Variants in MECOM observed in about 807,000 individuals in gnomAD.
MECOM encodes the protein histone-lysine N-methyltransferase MECOM.
A neutral mutation model predicts 116.3 loss-of-function variants in MECOM; 13 were observed. The observed-to-expected ratio is 0.11, with a 90% CI of 0.07 to 0.18. MECOM has a LOEUF of 0.18. Ranked by LOEUF, MECOM falls within the 10% of genes least tolerant of loss-of-function variation. The pLI, the probability that MECOM is intolerant of heterozygous loss-of-function variation, is 1.00. For synonymous variants in MECOM, 528 were observed against 535.2 expected (o/e 0.99, Z 0.19); for missense variants, 1,299 against 1,509.0 (o/e 0.86, Z 2.31).
At chr3:169,294,206 C>T (rs934558857) in intron 2 of MECOM, among the ~76,000 whole-genome samples, 1 of 151,762 alleles carries the variant, frequency 6.6e-6, no homozygotes, top group African/African-American at 2.4e-5. Context: ...TCTTGGTTTT[C>T]TGTAATGTAG....
intron 1 of MECOM, among the ~76,000 whole-genome samples, chr3:169,467,477 T>C (rs1007745297): frequency 6.6e-6 from 1 of 152,170 alleles, no homozygotes; most frequent in Non-Finnish European, 1.5e-5. Context: ...AAATCCAGTA[T>C]TAATAATATC....
At chr3:169,335,068 T>C (rs1056849666) in intron 2 of MECOM, among the ~76,000 whole-genome samples, 1 of 152,140 alleles carries the variant, frequency 6.6e-6, no homozygotes, top group Admixed American at 6.6e-5. Context: ...AAAACGCAGT[T>C]CATTTTTTTC....
At chr3:169,302,093 T>C (rs542998384) in intron 2 of MECOM, among the ~76,000 whole-genome samples, 2 of 152,346 alleles carry the variant, frequency 1.3e-5, no homozygotes, top group East Asian at 3.9e-4. Context: ...TCCACTACCT[T>C]GCCTTTTTAA....
intron 1 of MECOM, among the ~76,000 whole-genome samples, chr3:169,522,374 G>T (rs376589529): frequency 1.3e-5 from 2 of 152,250 alleles, no homozygotes; most frequent in East Asian, 3.9e-4. Flanking sequence ...ATGACTCTAG[G>T]TTGCCTTTTT....
chr3:169,100,340 C>A (rs908256874), intron 12 of MECOM, among the ~76,000 whole-genome samples: 7 of 152,024 alleles, frequency 4.6e-5, no homozygotes, highest in Non-Finnish European at 8.8e-5. Context: ...CTCAAGGGAT[C>A]CACCTGCCTC....
intron 2 of MECOM, among the ~76,000 whole-genome samples, chr3:169,258,238 A>AAAAAGG (rs1188822589): frequency 6.6e-6 from 1 of 152,106 alleles, no homozygotes. Flanking sequence ...GAAAAGAAAG[A>AAAAAGG]AAAAGAAAAA....
At chr3:169,302,729 T>C (rs1716962632) in intron 2 of MECOM, among the ~76,000 whole-genome samples, 1 of 151,906 alleles carries the variant, frequency 6.6e-6, no homozygotes, top group South Asian at 2.1e-4. Flanking sequence ...CTGGGTGTGG[T>C]GGCAGGCACC....
intron 2 of MECOM, among the ~76,000 whole-genome samples, chr3:169,217,777 C>T (rs1751594386): frequency 6.6e-6 from 1 of 151,132 alleles, no homozygotes; most frequent in Non-Finnish European, 1.5e-5. Flanking sequence ...GAGCGAGACT[C>T]CATCTCAAAA....
chr3:169,114,076 A>G (rs1728316216), intron 8 of MECOM, among the ~76,000 whole-genome samples: 1 of 152,104 alleles, frequency 6.6e-6, no homozygotes, highest in African/African-American at 2.4e-5. Context: ...GAGAGGGTAC[A>G]AAAAGGAAAG....
intron 1 of MECOM, among the ~76,000 whole-genome samples, chr3:169,481,579 A>T (rs968139850): frequency 7.0e-5 from 9 of 128,204 alleles, no homozygotes; most frequent in African/African-American, 1.0e-4. Flanking sequence ...ACTTAAAAAT[A>T]AAAAAAAAAC....
chr3:169,626,586 G>C (rs983093668), intron 1 of MECOM, among the ~76,000 whole-genome samples: 1 of 152,176 alleles, frequency 6.6e-6, no homozygotes, highest in African/African-American at 2.4e-5. Context: ...GGTTTGCCCA[G>C]GGCCTGACCT....
At chr3:169,182,406 A>G (rs990917555) in intron 2 of MECOM, among the ~76,000 whole-genome samples, 1 of 152,218 alleles carries the variant, frequency 6.6e-6, no homozygotes, top group African/African-American at 2.4e-5. Flanking sequence ...AAACAGTATC[A>G]CAGCTTTTGA....
chr3:169,368,864 A>T (rs1242537936), intron 2 of MECOM, among the ~76,000 whole-genome samples: 1 of 152,016 alleles, frequency 6.6e-6, no homozygotes, highest in African/African-American at 2.4e-5. Context: ...TCATGCAAGT[A>T]TGGGGGTTAA....
chr3:169,608,088 T>C (rs563381697), intron 1 of MECOM, among the ~76,000 whole-genome samples: 10 of 152,188 alleles, frequency 6.6e-5, no homozygotes, highest in Non-Finnish European at 1.2e-4. Context: ...ACTGATCCGA[T>C]CCAGTGCCCA....
chr3:169,229,465 T>C (rs1753119571), intron 2 of MECOM, among the ~76,000 whole-genome samples: 1 of 152,152 alleles, frequency 6.6e-6, no homozygotes, highest in Non-Finnish European at 1.5e-5. Context: ...CAAGGCTTAA[T>C]CTTAAATCCA....
intron 10 of MECOM, among the ~76,000 whole-genome samples, chr3:169,103,093 A>T (rs1184491057): frequency 6.6e-6 from 1 of 150,632 alleles, no homozygotes; most frequent in Non-Finnish European, 1.5e-5. Flanking sequence ...CACAAGCAGA[A>T]GATGGCATTT....
At chr3:169,202,341 T>A (rs1202909503) in intron 2 of MECOM, among the ~76,000 whole-genome samples, 1 of 152,158 alleles carries the variant, frequency 6.6e-6, no homozygotes, top group Non-Finnish European at 1.5e-5. Context: ...CTATGCCAAG[T>A]AATTGATTTA....
At chr3:169,313,889 T>A (rs1719253463) in intron 2 of MECOM, among the ~76,000 whole-genome samples, 1 of 152,196 alleles carries the variant, frequency 6.6e-6, no homozygotes, top group Non-Finnish European at 1.5e-5. Context: ...TATGGCTAAC[T>A]AGTTAAGACA....
intron 12 of MECOM, among the ~76,000 whole-genome samples, chr3:169,096,979 T>TAA: frequency 7.1e-6 from 1 of 141,714 alleles, no homozygotes; most frequent in Non-Finnish European, 1.5e-5. Context: ...TTTTTTTTTT[T>TAA]AAATGCGTAT....
Sources: gnomAD v4.1 joint callset for allele counts (sites outside exome capture counted in the v4.1 genomes callset) on GRCh38, gnomAD v4.1.1 for gene constraint, MANE v1.5 for transcripts, NCBI Gene and HGNC (gene_info 2026-07-23, HGNC 2026-07-21) for gene names.